CLCF1: variants seen among roughly 807,000 people sequenced by gnomAD.
The protein encoded by CLCF1 is cardiotrophin like cytokine factor 1, also known as cardiotrophin-like cytokine factor 1.
A neutral mutation model predicts 21.2 loss-of-function variants in CLCF1; 10 were observed. The ratio of observed to expected loss-of-function variants is 0.47; its 90% confidence interval spans 0.29 to 0.80. The LOEUF is 0.80. CLCF1 is among the 30% of genes least tolerant of loss of function. The pLI is 0.09. For synonymous variants in CLCF1, 115 were observed against 120.5 expected, an observed-to-expected ratio of 0.95 and a Z score of 0.30; for missense variants, 240 against 293.4, an observed-to-expected ratio of 0.82 and a Z score of 1.33.
chr11:67,366,115 C>T (rs1488901269), intron 2 of CLCF1, among the ~76,000 whole-genome samples: 1 of 152,182 alleles, frequency 6.6e-6, no homozygotes, highest in East Asian at 1.9e-4. Flanking sequence ...CACTGTCGGG[C>T]TTGGCAAGGA....
upstream of CLCF1, chr11:67,373,649 C>T (rs1862285449): frequency 8.0e-7 from 1 of 1,257,426 alleles, no homozygotes; most frequent in East Asian, 3.2e-5. Flanking sequence ...GCCAGGCCCA[C>T]TCGCAGGTTT....
intron 1 of CLCF1, among the ~76,000 whole-genome samples, chr11:67,371,798 G>C (rs1177277750): frequency 6.6e-6 from 1 of 152,138 alleles, no homozygotes; most frequent in South Asian, 2.1e-4. Flanking sequence ...GTGGGACGTG[G>C]GGAGGAATGT....
rs1316298167 is a variant in CLCF1, at chr11:67,372,692, C to T, written c.16+832G>A. 1.3e-5 allele frequency among the ~76,000 whole-genome samples: 2 copies of T among 150,184 alleles called. No homozygotes were observed. Among genetic ancestry groups the T allele is most frequent in the Non-Finnish European group, 3.0e-5 (2 of 67,160 alleles). ...GGCTCTGCCCGGCGCTGCCCTTTCC[C>T]GCGCGTCAACTCCCCTCCTGCCCGG... On this transcript the variant is annotated intron_variant, in intron 1 of 2. Coordinates refer to ENST00000312438, the MANE Select transcript of CLCF1 (RefSeq NM_013246.3). This position sits in a 1 kb window ranked among gnomAD's most constrained non-coding sequence, Gnocchi z 5.9.
At chr11:67,367,734 G>A in intron 1 of CLCF1, 108 bp from the exon 2 acceptor site, 1 of 1,531,144 alleles carries the variant, frequency 6.5e-7, no homozygotes, top group Non-Finnish European at 8.7e-7. Context: ...TGGGGGGTGA[G>A]GGTGGGACAC....
rs949047917 is a variant in CLCF1 at position 67,366,000 on chromosome 11, G to T, written c.184-370C>A. Among the ~76,000 whole-genome samples the T allele has an allele frequency of 1.3e-5, 2 of 152,198 alleles. No individual in the cohort carries two copies. The highest frequency in any genetic ancestry group is 6.5e-5 in the Admixed American group (1 of 15,282). ...GCCTGGAGGAGCTGGAGAGGTAGAA[G>T]GTGGCCCAGGAGAGTGCAGAGACCA... On this transcript the variant is annotated intron_variant, in intron 2 of 2. Transcript: ENST00000312438. This position sits in a 1 kb window ranked among gnomAD's most constrained non-coding sequence, Gnocchi z 5.0.
At chr11:67,366,468 G>T (rs1590913329) in intron 2 of CLCF1, among the ~76,000 whole-genome samples, 1 of 152,182 alleles carries the variant, frequency 6.6e-6, no homozygotes, top group African/African-American at 2.4e-5. Context: ...TAGGAGCAGG[G>T]TTGCAGAAGG....
rs1187371842 is a variant in CLCF1, at chr11:67,372,426, G to A, written c.16+1098C>T. Among the ~76,000 whole-genome samples, 2 of 152,092 alleles carry A rather than the reference G, an allele frequency of 1.3e-5. No homozygotes were observed. The highest frequency in any genetic ancestry group is 6.5e-5 in the Admixed American group (1 of 15,288). ...ATGAGGGGACCTCTGGCGAGCCCCGGGGACTCTTTCGAAGGTTTCCTTCGA... is the reference window on the plus strand; with the variant it reads ...ATGAGGGGACCTCTGGCGAGCCCCGAGGACTCTTTCGAAGGTTTCCTTCGA... On this transcript the variant is annotated intron_variant, in intron 1 of 2. Coordinates refer to ENST00000312438, the MANE Select transcript of CLCF1 (RefSeq NM_013246.3). This position sits in a 1 kb window ranked among gnomAD's most constrained non-coding sequence, Gnocchi z 5.9.
chr11:67,369,859 C>T (rs914683946), intron 1 of CLCF1: 61 of 985,298 alleles, frequency 6.2e-5, no homozygotes, highest in Admixed American at 1.8e-4. Context: ...TAGGGGAGAT[C>T]AGCTCCCTAC....
At chr11:67,373,707 T>G (rs573036376), upstream of CLCF1, 78 of 1,218,830 alleles carry the variant, frequency 6.4e-5, no homozygotes, top group East Asian at 2.5e-3. Context: ...TGGGACATTC[T>G]GCAAACTTTT....
Position 67,372,912 on chromosome 11 carries a change from C to T in CLCF1, c.16+612G>A, listed in dbSNP as rs868223760. Among the ~76,000 whole-genome samples, 1 of 150,204 alleles carries T rather than the reference C, an allele frequency of 6.7e-6. No homozygotes were observed. Among genetic ancestry groups the T allele is most frequent in the South Asian group, 2.1e-4 (1 of 4,810 alleles). On this transcript the variant is annotated intron_variant, in intron 1 of 2. Transcript: ENST00000312438. The surrounding 1 kb of genome is among the most constrained non-coding windows in gnomAD (Gnocchi z 5.9). ...TGGGCACCATGGAGGGTTCCGGCCG[C>T]GCGGCGCGTAGCTAGGAAGCCGCGA...
intron 1 of CLCF1, chr11:67,368,481 C>T (rs1390579648): frequency 1.0e-6 from 1 of 985,066 alleles, no homozygotes; most frequent in East Asian, 1.1e-4. Flanking sequence ...TACCAGGAGT[C>T]CAGAGGCCAG....
chr11:67,366,238 T>C lies in CLCF1; in HGVS notation c.184-608A>G, dbSNP rs1192171258. Among the ~76,000 whole-genome samples the C allele has an allele frequency of 2.0e-5, 3 of 151,884 alleles. 1 individual carries two copies. The highest frequency in any genetic ancestry group is 7.3e-5 in the African/African-American group (3 of 41,314). On this transcript the variant is annotated intron_variant, in intron 2 of 2. Transcript: ENST00000312438. The stretch of plus-strand genomic sequence containing the variant: ...GGAGGCAGAGGGTGTAGACCACTCC[T>C]TGGAGAAATTTGGCAGGGAAAGCCA...
At chr11:67,368,492 G>A (rs1843775003) in intron 1 of CLCF1, 1 of 985,244 alleles carries the variant, frequency 1.0e-6, no homozygotes, top group South Asian at 4.7e-5. Context: ...CAGAGGCCAG[G>A]GTTGGGTGCT....
At position 67,365,535 on chromosome 11, in the gene CLCF1, C is replaced by T. The variant is rs367649677; in HGVS notation, c.279G>A (p.Val93=). 1.8e-4 allele frequency: 291 copies of T among 1,613,940 alleles called. No homozygotes were observed. Among genetic ancestry groups the T allele is most frequent in the Non-Finnish European group, 2.4e-4 (282 of 1,179,908 alleles). ...GCAGTTTGTCATTGAGGCTTCGCCACACCTCCAAGTCAACAGTGGCCCTGG... is the reference window on the plus strand; with the variant it reads ...GCAGTTTGTCATTGAGGCTTCGCCATACCTCCAAGTCAACAGTGGCCCTGG... ...TLPRATVDLE[V]WRSLNDKLRL... The change falls in exon 3 of 3, where the codon GTG becomes GTA. Residue 93 remains valine (V), a synonymous_variant. Transcript: ENST00000312438. The surrounding 1 kb of genome is among the most constrained non-coding windows in gnomAD (Gnocchi z 5.0).
At chr11:67,368,912 CTTTTTTTTTT>C (rs10666079) in intron 1 of CLCF1, 7 of 685,240 alleles carry the variant, frequency 1.0e-5, no homozygotes, top group Admixed American at 9.6e-5. Context: ...TTTTTTTTTC[CTTTTTTTTTT>C]TTTTTTTTGC....
intron 1 of CLCF1, chr11:67,367,958 G>A (rs1326849141): frequency 2.4e-5 from 24 of 985,250 alleles, no homozygotes; most frequent in South Asian, 4.7e-5. Context: ...ATGGAGGGAC[G>A]GGGCCAGGCC....
In CLCF1 at chr11:67,365,731, G is replaced by C. The variant is rs1862081550; in HGVS notation, c.184-101C>G. On this transcript the variant is annotated intron_variant, in intron 2 of 2. Transcript: ENST00000312438. This position sits in a 1 kb window ranked among gnomAD's most constrained non-coding sequence, Gnocchi z 5.0. ...AAAGTTTCTATTTTTTGTGTCCCCT[G>C]ACACTGGCCCTGTCTCCATGCTAGG... 2 of 1,486,930 alleles carry C rather than the reference G, an allele frequency of 1.3e-6. No individual in the cohort carries two copies. The highest frequency in any genetic ancestry group is 1.8e-6 in the Non-Finnish European group (2 of 1,113,836). 92.1% of individuals were successfully genotyped at this position (1,486,930 alleles called of 1,614,324 possible).
At chr11:67,369,725 G>C in intron 1 of CLCF1, 1 of 985,424 alleles carries the variant, frequency 1.0e-6, no homozygotes, top group Non-Finnish European at 1.2e-6. Context: ...TGGGAGCTAG[G>C]CTTCCTTCTT....
At chr11:67,368,356 ACTTCAATGAGGC>A (rs1025037780) in intron 1 of CLCF1, 1 of 984,940 alleles carries the variant, frequency 1.0e-6, no homozygotes, top group African/African-American at 1.8e-5. Flanking sequence ...GAAAAGTTGG[ACTTCAATGAGGC>A]CTTTCCATCA....
Sources: allele counts gnomAD v4.1 joint callset (sites outside exome capture counted in the v4.1 genomes callset), GRCh38; gene constraint gnomAD v4.1.1; non-coding constraint Gnocchi (gnomAD v3.1); transcripts MANE v1.5; gene names NCBI Gene and HGNC (gene_info 2026-07-23, HGNC 2026-07-21).